PRCP: variants seen among roughly 807,000 people sequenced by gnomAD.
PRCP encodes lysosomal Pro-X carboxypeptidase.
A neutral mutation model predicts 54.2 loss-of-function variants in PRCP; 46 were observed. The observed-to-expected ratio is 0.85, with a 90% confidence interval of 0.67 to 1.09. The LOEUF is 1.09. Ranked by LOEUF, PRCP falls within the 50% of genes least tolerant of loss-of-function variation. The pLI is 0.00. For missense variants in PRCP, 613 were observed against 596.8 expected, an observed-to-expected ratio of 1.03 and a Z score of -0.28; for synonymous variants, 240 against 212.2, an observed-to-expected ratio of 1.13 and a Z score of -1.14.
chr11:82,854,965 C>A (rs1419173158), intron 2 of PRCP, among the ~76,000 whole-genome samples: 2 of 152,118 alleles, frequency 1.3e-5, no homozygotes, highest in Admixed American at 1.3e-4. Flanking sequence ...AACTGGCTAG[C>A]CATATGCAGA....
intron 8 of PRCP, among the ~76,000 whole-genome samples, chr11:82,831,594 A>G (rs181343162): frequency 1.4e-4 from 22 of 152,316 alleles, no homozygotes; most frequent in African/African-American, 2.9e-4. Flanking sequence ...AAAATCTCCA[A>G]TCCAACAGTT....
chr11:82,850,557 T>TAA, intron 3 of PRCP, 52 bp from the exon 4 acceptor site: 1 of 1,333,532 alleles, frequency 7.5e-7, no homozygotes, highest in South Asian at 1.8e-5. Context: ...TAACAGCAGC[T>TAA]TAGGAATAGC....
At chr11:82,873,256 A>G (rs555081509) in intron 1 of PRCP, among the ~76,000 whole-genome samples, 27 of 152,328 alleles carry the variant, frequency 1.8e-4, no homozygotes, top group East Asian at 1.9e-4. Flanking sequence ...AAAGATCTCA[A>G]TGAAGAAGGA....
chr11:82,897,798 G>A (rs1860151528), intron 1 of PRCP, among the ~76,000 whole-genome samples: 1 of 152,104 alleles, frequency 6.6e-6, no homozygotes, highest in Non-Finnish European at 1.5e-5. Flanking sequence ...AGCAGGGGAG[G>A]GATAAGACCA....
rs536358242 is a variant in PRCP at position 82,847,663 on chromosome 11, G to A, written c.921+1386C>T. 2.6e-5 allele frequency among the ~76,000 whole-genome samples: 4 copies of A among 152,184 alleles called. No homozygotes were observed. The South Asian group carries it at 8.3e-4, about 32-fold the overall frequency. ...GCTCTGTTGCCCAGGCTGGAGTACA[G>A]TGGCATGATCACAGCTTACTGCAGC... On this transcript the variant is annotated intron_variant, in intron 6 of 8. Coordinates refer to ENST00000313010, the MANE Select transcript of PRCP (RefSeq NM_005040.4).
chr11:82,838,637 T>G, intron 7 of PRCP, 63 bp from the exon 8 acceptor site: 4 of 1,502,136 alleles, frequency 2.7e-6, no homozygotes, highest in Non-Finnish European at 3.6e-6. Context: ...TTAAATAAAT[T>G]ACACAAAGTC....
chr11:82,833,575 C>T (rs1315215921), intron 8 of PRCP, among the ~76,000 whole-genome samples: 6 of 152,142 alleles, frequency 3.9e-5, no homozygotes, highest in Non-Finnish European at 8.8e-5. Context: ...CCAGCAATCC[C>T]ATTCCTGGGT....
At chr11:82,895,226 T>C (rs977825492) in intron 1 of PRCP, among the ~76,000 whole-genome samples, 11 of 152,244 alleles carry the variant, frequency 7.2e-5, no homozygotes, top group Admixed American at 3.3e-4. Context: ...TTTTGCTGAT[T>C]ATGAAAATAG....
At chr11:82,848,957 A>T (rs1490407914) in intron 6 of PRCP, 92 bp downstream of exon 6, 1 of 1,326,244 alleles carries the variant, frequency 7.5e-7, no homozygotes, top group African/African-American at 1.5e-5. Context: ...CCCCTTTGTC[A>T]CTGGGACTTT....
intron 6 of PRCP, among the ~76,000 whole-genome samples, chr11:82,844,050 C>G (rs1858742182): frequency 6.6e-6 from 1 of 150,804 alleles, no homozygotes; most frequent in South Asian, 2.1e-4. Context: ...ACCACAAAGT[C>G]CTGGTATAAT....
At chr11:82,879,938 C>T (rs967900875) in intron 1 of PRCP, among the ~76,000 whole-genome samples, 3 of 152,176 alleles carry the variant, frequency 2.0e-5, no homozygotes, top group East Asian at 1.9e-4. Flanking sequence ...AGATGTCAGT[C>T]GACCCTTACT....
At chr11:82,869,096 C>T (rs1196249298) in intron 1 of PRCP, among the ~76,000 whole-genome samples, 2 of 151,934 alleles carry the variant, frequency 1.3e-5, no homozygotes, top group South Asian at 4.2e-4. Context: ...TGGCTCACAC[C>T]TGTAATTCCA....
intron 1 of PRCP, among the ~76,000 whole-genome samples, chr11:82,892,391 C>A (rs1860024414): frequency 6.6e-6 from 1 of 151,858 alleles, no homozygotes. Context: ...ATAAACAATA[C>A]CTAGGGTTTT....
At chr11:82,846,893 AT>A (rs1858819762) in intron 6 of PRCP, among the ~76,000 whole-genome samples, 1 of 152,208 alleles carries the variant, frequency 6.6e-6, no homozygotes, top group Non-Finnish European at 1.5e-5. Flanking sequence ...CAACAGCTAT[AT>A]TTCTCCAGCC....
chr11:82,876,502 T>TA (rs1859605280), intron 1 of PRCP, among the ~76,000 whole-genome samples: 1 of 152,230 alleles, frequency 6.6e-6, no homozygotes, highest in Non-Finnish European at 1.5e-5. Flanking sequence ...ACTTGAATTG[T>TA]ATCTCCCAGA....
chr11:82,896,502 CCTGT>C (rs1860122876), intron 1 of PRCP, among the ~76,000 whole-genome samples: 1 of 151,564 alleles, frequency 6.6e-6, no homozygotes, highest in Admixed American at 6.6e-5. Flanking sequence ...ATGGTAAAAC[CCTGT>C]CTGTATTTTA....
rs146592103 is a variant in PRCP, at chr11:82,893,685, C to T, written c.168+6550G>A. ...GTGTACACCTGTAGTCCCAGCTACC[C>T]GGGATGCTGAGGTGGGAGGATCACT... On this transcript the variant is annotated intron_variant, in intron 1 of 8. Transcript: ENST00000313010. 1.6e-4 allele frequency among the ~76,000 whole-genome samples: 24 copies of T among 152,050 alleles called. No individual in the cohort carries two copies. In the East Asian group the frequency reaches 4.4e-3, roughly 28 times the overall value.
Position 82,878,996 on chromosome 11 carries a change from T to C in PRCP, c.169-18879A>G, listed in dbSNP as rs77009996. On this transcript the variant is annotated intron_variant, in intron 1 of 8. Coordinates refer to ENST00000313010, the MANE Select transcript of PRCP (RefSeq NM_005040.4). Reference sequence around the variant, plus strand: ...TCCTTCATTTCAACTTTGGTGAATCTGACAATTATGTGTCTTGGAGTTGCT... The same window carrying C: ...TCCTTCATTTCAACTTTGGTGAATCCGACAATTATGTGTCTTGGAGTTGCT... Among the ~76,000 whole-genome samples the C allele has an allele frequency of 2.6e-3, 403 of 152,328 alleles. 1 individual carries two copies. The highest frequency in any genetic ancestry group is 8.8e-3 in the African/African-American group (364 of 41,584).
chr11:82,850,120 T>C (rs775507472), intron 4 of PRCP, 49 bp from the exon 5 acceptor site: 2 of 846,326 alleles, frequency 2.4e-6, no homozygotes, highest in Non-Finnish European at 1.6e-6. Context: ...AAAAAATATA[T>C]ATATATATTA....
Sources: allele counts gnomAD v4.1 joint callset (sites outside exome capture counted in the v4.1 genomes callset), GRCh38; gene constraint gnomAD v4.1.1; transcripts MANE v1.5; gene names NCBI Gene and HGNC (gene_info 2026-07-23, HGNC 2026-07-21).